Variants in MDGA2 observed in about 807,000 individuals in gnomAD.
MDGA2 encodes the protein MAM domain containing glycosylphosphatidylinositol anchor 2, also known as MAM domain-containing glycosylphosphatidylinositol anchor protein 2.
MDGA2 carries 40 observed loss-of-function variants against 117.8 expected under a neutral mutation model. The ratio of observed to expected loss-of-function variants is 0.34; its 90% CI spans 0.26 to 0.44. The LOEUF (loss-of-function observed/expected upper bound fraction) is 0.44. Ranked by LOEUF, MDGA2 falls within the 20% of genes least tolerant of loss-of-function variation. The pLI is 1.00. For missense variants in MDGA2, 1,123 were observed against 1,250.6 expected, an observed-to-expected ratio of 0.90 and a Z score of 1.54; for synonymous variants, 452 against 439.0, an observed-to-expected ratio of 1.03 and a Z score of -0.37.
At chr14:46,939,527 G>C (rs1164021315) in intron 9 of MDGA2, among the ~76,000 whole-genome samples, 1 of 152,074 alleles carries the variant, frequency 6.6e-6, no homozygotes, top group African/African-American at 2.4e-5. Flanking sequence ...AAAAATAGCA[G>C]TTTCTAAAGC....
intron 3 of MDGA2, among the ~76,000 whole-genome samples, chr14:47,170,525 C>G (rs896193177): frequency 6.6e-6 from 1 of 152,042 alleles, no homozygotes; most frequent in African/African-American, 2.4e-5. Context: ...TGTTGAGTGA[C>G]TTAAGAAGTC....
intron 1 of MDGA2, among the ~76,000 whole-genome samples, chr14:47,505,004 T>C (rs950868145): frequency 9.8e-5 from 15 of 152,328 alleles, no homozygotes; most frequent in African/African-American, 3.4e-4. Context: ...ATGGACTTAC[T>C]ATTCAGCCAT....
At chr14:47,592,525 T>C (rs965725294) in intron 1 of MDGA2, among the ~76,000 whole-genome samples, 2 of 152,044 alleles carry the variant, frequency 1.3e-5, no homozygotes, top group Non-Finnish European at 2.9e-5. Context: ...GAGCATGGTA[T>C]TGGTATGAAA....
intron 1 of MDGA2, among the ~76,000 whole-genome samples, chr14:47,571,210 T>C (rs1181494055): frequency 6.6e-6 from 1 of 152,116 alleles, no homozygotes; most frequent in Non-Finnish European, 1.5e-5. Context: ...TGAGATACCA[T>C]CTCATGCTGG....
chr14:47,008,321 G>A (rs965321055), intron 8 of MDGA2, among the ~76,000 whole-genome samples: 1 of 151,872 alleles, frequency 6.6e-6, no homozygotes, highest in Non-Finnish European at 1.5e-5. Flanking sequence ...TTCCTAACAG[G>A]TAGTGTTGGC....
At chr14:47,423,215 CTCT>C (rs1233866318) in intron 1 of MDGA2, among the ~76,000 whole-genome samples, 1 of 152,150 alleles carries the variant, frequency 6.6e-6, no homozygotes, top group Non-Finnish European at 1.5e-5. Context: ...AAATTCATTA[CTCT>C]TCTTATTGGT....
At chr14:47,636,784 CAAAAAAAAA>C (rs56313968) in intron 1 of MDGA2, among the ~76,000 whole-genome samples, 7 of 46,002 alleles carry the variant, frequency 1.5e-4, no homozygotes, top group South Asian at 1.5e-3. Context: ...GACTCCGTCT[CAAAAAAAAA>C]AAAAAAAAAA....
At chr14:47,145,454 AG>A (rs1882903254) in intron 3 of MDGA2, among the ~76,000 whole-genome samples, 2 of 152,206 alleles carry the variant, frequency 1.3e-5, no homozygotes, top group Non-Finnish European at 2.9e-5. Flanking sequence ...GGCATATTCC[AG>A]GTTCTTTTCT....
chr14:47,372,351 T>C (rs993353672), intron 1 of MDGA2, among the ~76,000 whole-genome samples: 3 of 151,920 alleles, frequency 2.0e-5, no homozygotes, highest in East Asian at 1.9e-4. Flanking sequence ...ATATTCCTAA[T>C]ATGTAAAGAG....
At chr14:47,157,124 G>A (rs1231994812) in intron 3 of MDGA2, among the ~76,000 whole-genome samples, 1 of 152,060 alleles carries the variant, frequency 6.6e-6, no homozygotes, top group East Asian at 1.9e-4. Context: ...TTGATAAATC[G>A]ATGGGAAATT....
intron 2 of MDGA2, among the ~76,000 whole-genome samples, chr14:47,282,523 A>AACAC (rs59651044): frequency 0.09 from 13,391 of 149,354 alleles, 713 homozygotes; most frequent in Non-Finnish European, 0.11. Flanking sequence ...ATTAAAAATA[A>AACAC]ACACACACAC....
At chr14:47,001,600 A>G (rs1030834247) in intron 8 of MDGA2, among the ~76,000 whole-genome samples, 3 of 152,174 alleles carry the variant, frequency 2.0e-5, no homozygotes, top group Non-Finnish European at 4.4e-5. Flanking sequence ...ACACTATTCA[A>G]TACAAAAATA....
chr14:47,200,627 T>C, intron 3 of MDGA2: 1 of 1,280,234 alleles, frequency 7.8e-7, no homozygotes, highest in Non-Finnish European at 1.1e-6. Context: ...GTCAATTTTC[T>C]TCTCCACGTT....
intron 8 of MDGA2, among the ~76,000 whole-genome samples, chr14:46,995,793 T>C (rs1887267308): frequency 6.6e-6 from 1 of 152,020 alleles, no homozygotes; most frequent in Admixed American, 6.6e-5. Context: ...TATATTCATT[T>C]CTTTAATATA....
At chr14:47,665,083 TC>T (rs771378718) in intron 1 of MDGA2, among the ~76,000 whole-genome samples, 15 of 152,228 alleles carry the variant, frequency 9.9e-5, no homozygotes, top group South Asian at 4.2e-4. Context: ...ACACACCCAT[TC>T]CAGGACTACT....
intron 9 of MDGA2, among the ~76,000 whole-genome samples, chr14:46,924,820 G>T (rs58436898): frequency 0.36 from 54,711 of 151,848 alleles, 10,540 homozygotes; most frequent in South Asian, 0.53. Flanking sequence ...ATGTATGTTT[G>T]CAAGCAAGAA....
intron 5 of MDGA2, among the ~76,000 whole-genome samples, chr14:47,123,079 C>T (rs1020788413): frequency 6.6e-6 from 1 of 151,834 alleles, no homozygotes; most frequent in Non-Finnish European, 1.5e-5. Flanking sequence ...TTGATATGGT[C>T]CAAAATATTT....
chr14:47,425,525 G>A (rs920606305), intron 1 of MDGA2, among the ~76,000 whole-genome samples: 35 of 152,098 alleles, frequency 2.3e-4, no homozygotes, highest in African/African-American at 7.5e-4. Context: ...GCACACACGC[G>A]CACACAGAGA....
At position 47,593,687 on chromosome 14, in the gene MDGA2, T is replaced by C. The variant is rs112150929; in HGVS notation, c.280+80830A>G. Among the ~76,000 whole-genome samples, 1,343 of 151,942 alleles carry C rather than the reference T, an allele frequency of 8.8e-3. 8 individuals carry two copies. The highest frequency in any genetic ancestry group is 0.034 in the Middle Eastern group (10 of 294). On this transcript the variant is annotated intron_variant, in intron 1 of 16. Coordinates refer to ENST00000399232, the MANE Select transcript of MDGA2 (RefSeq NM_001113498.3). Reference sequence around the variant, plus strand: ...GTGTGAACTGAACAATGAGAACACATGACCCAGGGAGGGGAACAACACACA... The same window carrying C: ...GTGTGAACTGAACAATGAGAACACACGACCCAGGGAGGGGAACAACACACA...
Sources: gnomAD v4.1 joint callset for allele counts (sites outside exome capture counted in the v4.1 genomes callset) on GRCh38, gnomAD v4.1.1 for gene constraint, MANE v1.5 for transcripts, NCBI Gene and HGNC (gene_info 2026-07-23, HGNC 2026-07-21) for gene names.